SNRPN: variants seen among roughly 807,000 people sequenced by gnomAD.
SNRPN encodes the protein small nuclear ribonucleoprotein-associated protein N.
Under a neutral mutation model 25.2 loss-of-function variants are expected in SNRPN, and 7 were observed. That is an observed-to-expected ratio of 0.28 (90% confidence interval 0.16 to 0.52). The LOEUF (loss-of-function observed/expected upper bound fraction) is 0.52. SNRPN is among the 20% of genes least tolerant of loss of function. SNRPN has a pLI of 0.96. For synonymous variants in SNRPN, 124 were observed against 110.6 expected, an observed-to-expected ratio of 1.12 and a Z score of -0.76; for missense variants, 196 against 322.5, an observed-to-expected ratio of 0.61 and a Z score of 3.00.
rs2055221979 is a variant in SNRPN, at chr15:24,872,293, A to G, written c.-578-14223A>G. Among the ~76,000 whole-genome samples, 2 of 115,952 alleles carry G rather than the reference A, an allele frequency of 1.7e-5. 1 individual carries two copies. Among genetic ancestry groups the G allele is most frequent in the Non-Finnish European group, 3.8e-5 (2 of 52,832 alleles). The allele number at this position is 115,952 out of a possible 152,430, so 76.1% of individuals were successfully genotyped here. Reference sequence around the variant, plus strand: ...AGTGATTCTCCTGCCTCAGCCTCCCAAGAGGCTAGGATTACAGGTGCCTGC... The same window carrying G: ...AGTGATTCTCCTGCCTCAGCCTCCCGAGAGGCTAGGATTACAGGTGCCTGC... On this transcript the variant is annotated intron_variant, in intron 1 of 11. Transcript: ENST00000400097.
At chr15:24,877,168 G>T (rs1318563524) in intron 1 of SNRPN, among the ~76,000 whole-genome samples, 1 of 152,168 alleles carries the variant, frequency 6.6e-6, no homozygotes, top group Non-Finnish European at 1.5e-5. Context: ...AATGGCCACA[G>T]AAAATTTTCG....
chr15:24,914,328 A>G (rs535926624), intron 2 of SNRPN, among the ~76,000 whole-genome samples: 1 of 152,290 alleles, frequency 6.6e-6, no homozygotes, highest in South Asian at 2.1e-4. Context: ...CAGGAAAAAG[A>G]CCTTCCATTC....
Position 24,866,529 on chromosome 15 carries a change from C to G in SNRPN, c.-579+9813C>G, listed in dbSNP as rs56102159. On this transcript the variant is annotated intron_variant, in intron 1 of 11. Transcript: ENST00000400097. ...CCTCCTGCCTCAGCTTCCTGAGTAG[C>G]TGGGACTACAGGTGCACACCACCAT... Among the ~76,000 whole-genome samples, 1,284 of 152,234 alleles carry G rather than the reference C, an allele frequency of 8.4e-3. 20 individuals carry two copies. Among genetic ancestry groups the G allele is most frequent in the African/African-American group, 0.029 (1,209 of 41,530 alleles).
intron 3 of SNRPN, among the ~76,000 whole-genome samples, chr15:24,930,415 T>A (rs910042791): frequency 6.6e-6 from 1 of 151,670 alleles, no homozygotes; most frequent in African/African-American, 2.4e-5. Context: ...GAATATAGAT[T>A]ATTGCCTTCA....
chr15:24,851,503 A>G (rs2052828302), intron 2 of SNRPN: 1 of 153,066 alleles, frequency 6.5e-6, no homozygotes, highest in Admixed American at 6.5e-5. Context: ...GGGCATGAGA[A>G]GGGGACAGTG....
intron 2 of SNRPN, among the ~76,000 whole-genome samples, chr15:24,837,162 G>A (rs1454931862): frequency 6.6e-6 from 1 of 151,948 alleles, no homozygotes; most frequent in East Asian, 1.9e-4. Context: ...GGAAGCAAAG[G>A]ACTACCGAGA....
Position 24,977,885 on chromosome 15 carries a change from C to G in SNRPN, c.528C>G (p.Pro176=). Residue 176 remains proline (P), a synonymous_variant, in exon 8 of 10, where the codon CCC becomes CCG. Coordinates refer to ENST00000390687, the MANE Select transcript of SNRPN (RefSeq NM_003097.6). ...ACCCACCAGGACGGGGCACTCCGCC[C>G]CCACCCGTCGGCAGAGCAACCCCAC... The part of the protein sequence containing the change: ...TQYPPGRGTP[P]PPVGRATPPP... The G allele has an allele frequency of 1.3e-6, 2 of 1,590,840 alleles. No homozygotes were observed. Among genetic ancestry groups the G allele is most frequent in the East Asian group, 4.5e-5 (2 of 44,412 alleles).
At chr15:24,939,372 C>G (rs1320638683) in intron 3 of SNRPN, among the ~76,000 whole-genome samples, 1 of 152,056 alleles carries the variant, frequency 6.6e-6, no homozygotes. Flanking sequence ...GCTTCTTGGC[C>G]ATTTGTATGT....
At chr15:24,881,134 G>A (rs2056545999) in intron 1 of SNRPN, among the ~76,000 whole-genome samples, 1 of 152,160 alleles carries the variant, frequency 6.6e-6, no homozygotes, top group Non-Finnish European at 1.5e-5. Context: ...GGTGTTCAAA[G>A]CATAGAAAGG....
chr15:24,974,560 G>A, intron 4 of SNRPN, 104 bp downstream of exon 4: 1 of 1,053,596 alleles, frequency 9.5e-7, no homozygotes, highest in Admixed American at 1.7e-5. Context: ...TTAGAAATAA[G>A]GATACATCCA....
At chr15:24,831,541 A>G (rs1283127463) in intron 2 of SNRPN, among the ~76,000 whole-genome samples, 2 of 152,048 alleles carry the variant, frequency 1.3e-5, no homozygotes, top group African/African-American at 4.8e-5. Flanking sequence ...ATTGTTAACT[A>G]TAGTTACCAT....
At chr15:24,933,765 T>C (rs866602435) in intron 3 of SNRPN, among the ~76,000 whole-genome samples, 1 of 152,134 alleles carries the variant, frequency 6.6e-6, no homozygotes, top group African/African-American at 2.4e-5. Context: ...GGCAGGCCCA[T>C]TGAGTAGAGG....
chr15:24,914,856 A>G (rs2059420942), intron 2 of SNRPN, among the ~76,000 whole-genome samples: 1 of 152,174 alleles, frequency 6.6e-6, no homozygotes, highest in Admixed American at 6.5e-5. Flanking sequence ...GCAATGGAAT[A>G]GAGAGATTGC....
intron 2 of SNRPN, among the ~76,000 whole-genome samples, chr15:24,912,175 G>A (rs1371141605): frequency 1.3e-5 from 2 of 152,134 alleles, no homozygotes; most frequent in African/African-American, 4.8e-5. Flanking sequence ...TTGCCATGGG[G>A]TCGAGCTATG....
chr15:24,845,717 T>A (rs756311002), intron 2 of SNRPN, among the ~76,000 whole-genome samples: 9 of 152,152 alleles, frequency 5.9e-5, no homozygotes, highest in Non-Finnish European at 1.2e-4. Context: ...AATTTTGGAA[T>A]CTACTTCTCA....
At chr15:24,871,261 A>G (rs1244381550) in intron 1 of SNRPN, among the ~76,000 whole-genome samples, 1 of 151,928 alleles carries the variant, frequency 6.6e-6, no homozygotes, top group Non-Finnish European at 1.5e-5. Context: ...CAGGGTTTCA[A>G]AAACAATATG....
At chr15:24,891,454 T>C (rs1270032118) in intron 2 of SNRPN, among the ~76,000 whole-genome samples, 1 of 152,060 alleles carries the variant, frequency 6.6e-6, no homozygotes, top group African/African-American at 2.4e-5. Flanking sequence ...TTTCTTTTTT[T>C]TGAGACGGAT....
chr15:24,939,299 C>G (rs1300770962), intron 3 of SNRPN, among the ~76,000 whole-genome samples: 1 of 150,574 alleles, frequency 6.6e-6, no homozygotes, highest in Non-Finnish European at 1.5e-5. Context: ...TGGTATCTCA[C>G]TGTGATTTTG....
intron 1 of SNRPN, among the ~76,000 whole-genome samples, chr15:24,867,293 T>A (rs916116836): frequency 1.3e-5 from 2 of 152,200 alleles, no homozygotes; most frequent in Admixed American, 6.5e-5. Flanking sequence ...TTTACTCTTT[T>A]TAATAATAGC....
Sources: allele counts gnomAD v4.1 joint callset (sites outside exome capture counted in the v4.1 genomes callset), GRCh38; gene constraint gnomAD v4.1.1; transcripts MANE v1.5; gene names NCBI Gene and HGNC (gene_info 2026-07-23, HGNC 2026-07-21).